Variants in ANK2 observed in about 807,000 individuals in gnomAD.
ANK2 encodes the protein ankyrin-2.
ANK2 carries 83 observed loss-of-function variants against 360.5 expected under a neutral mutation model. The ratio of observed to expected loss-of-function variants is 0.23; its 90% confidence interval spans 0.19 to 0.28. The LOEUF (loss-of-function observed/expected upper bound fraction) is 0.28. ANK2 is among the 10% of genes least tolerant of loss of function. ANK2 has a pLI of 1.00. For missense variants in ANK2, 4,201 were observed against 4,795.7 expected (o/e 0.88, Z 3.66); for synonymous variants, 1,740 against 1,759.5 (o/e 0.99, Z 0.28).
intron 1 of ANK2, among the ~76,000 whole-genome samples, chr4:113,171,255 G>A (rs201497264): frequency 3.3e-5 from 5 of 152,128 alleles, no homozygotes; most frequent in African/African-American, 1.2e-4. Flanking sequence ...TTTCATCTCT[G>A]TGTTGATTGA....
intron 27 of ANK2, 117 bp from the exon 28 acceptor site, chr4:113,331,855 G>A (rs558067611): frequency 3.7e-5 from 35 of 936,192 alleles, no homozygotes; most frequent in Non-Finnish European, 4.2e-5. Context: ...AGAACCAAAC[G>A]CAGTGTGAAA....
chr4:113,346,745 A>G (rs1291956901), intron 35 of ANK2, among the ~76,000 whole-genome samples: 1 of 152,190 alleles, frequency 6.6e-6, no homozygotes, highest in Non-Finnish European at 1.5e-5. Flanking sequence ...TGTTTTGAGT[A>G]GATTTAAAAC....
chr4:113,248,326 A>G (rs551963258), intron 9 of ANK2, among the ~76,000 whole-genome samples: 2 of 152,268 alleles, frequency 1.3e-5, no homozygotes, highest in East Asian at 3.9e-4. Flanking sequence ...GGGACTCAAT[A>G]CCAGTGCTCA....
chr4:113,003,518 A>G (rs751722696), intron 2 of ANK2, among the ~76,000 whole-genome samples: 33 of 152,252 alleles, frequency 2.2e-4, no homozygotes, highest in Non-Finnish European at 4.4e-4. Flanking sequence ...AATGTAGAAT[A>G]TAGTATGGAA....
rs112428084 is a variant in ANK2, at chr4:112,904,665, A to T, written c.21+151A>T. On this transcript the variant is annotated intron_variant, in intron 2 of 30. Transcript: ENST00000503271. ...ATTAACAATTTTTTAATTATAAGAAATGTAATATACTATAAGACTTTTCTT... is the reference window on the plus strand; with the variant it reads ...ATTAACAATTTTTTAATTATAAGAATTGTAATATACTATAAGACTTTTCTT... 0.019 allele frequency among the ~76,000 whole-genome samples: 2,930 copies of T among 152,264 alleles called. 81 individuals carry two copies. The highest frequency in any genetic ancestry group is 0.065 in the African/African-American group (2,713 of 41,556).
intron 43 of ANK2, among the ~76,000 whole-genome samples, chr4:113,370,315 T>TA (rs1008368944): frequency 1.3e-5 from 2 of 151,908 alleles, no homozygotes; most frequent in African/African-American, 4.8e-5. Context: ...TTTTTTTTTT[T>TA]AAGATTTATT....
At chr4:112,875,548 CA>C (rs1358919022) in intron 1 of ANK2, among the ~76,000 whole-genome samples, 2 of 151,774 alleles carry the variant, frequency 1.3e-5, no homozygotes, top group East Asian at 3.9e-4. Context: ...TTTGTGCAGG[CA>C]GATCTTGAAC....
At chr4:113,133,507 A>C (rs1230093025) in intron 1 of ANK2, among the ~76,000 whole-genome samples, 1 of 152,194 alleles carries the variant, frequency 6.6e-6, no homozygotes, top group East Asian at 1.9e-4. Context: ...CAGACCCCAG[A>C]TGCCAGATTC....
At position 112,875,658 on chromosome 4, in the gene ANK2, C is replaced by T. The variant is rs143744130; in HGVS notation, c.-39-28797C>T. 2.6e-5 allele frequency among the ~76,000 whole-genome samples: 4 copies of T among 151,528 alleles called. No homozygotes were observed. In the East Asian group the frequency reaches 5.9e-4, roughly 22 times the overall value. On this transcript the variant is annotated intron_variant, in intron 1 of 30. Transcript: ENST00000503271. ...GCCCCTTATTACCTTTAATTTCTGC[C>T]GTAATCATTACAGCAAATGTGAAAT... is the stretch of plus-strand genomic sequence containing the variant.
chr4:113,263,221 C>T (rs1471405499), intron 13 of ANK2, among the ~76,000 whole-genome samples: 2 of 150,568 alleles, frequency 1.3e-5, no homozygotes, highest in African/African-American at 4.9e-5. Context: ...AGATCTTAGC[C>T]TCATCTATTT....
In ANK2 at chr4:112,994,863, T is replaced by C. The variant is rs569991468; in HGVS notation, c.21+90349T>C. 2.0e-5 allele frequency among the ~76,000 whole-genome samples: 3 copies of C among 152,332 alleles called. No individual in the cohort carries two copies. In the East Asian group the frequency reaches 5.8e-4, roughly 29 times the overall value. On this transcript the variant is annotated intron_variant, in intron 2 of 30. Transcript: ENST00000503271. ...AAGTGAGAACATGCAGTATTTGAAT[T>C]TCTGTTTCTGAGTTAATTTGCTCAG...
intron 1 of ANK2, among the ~76,000 whole-genome samples, chr4:113,099,605 G>A (rs547323870): frequency 3.6e-4 from 55 of 152,052 alleles, no homozygotes; most frequent in Admixed American, 2.0e-3. Flanking sequence ...ATCTCAGCAA[G>A]TTGTCTTGTG....
intron 2 of ANK2, among the ~76,000 whole-genome samples, chr4:112,918,347 A>G (rs1300239818): frequency 1.3e-5 from 2 of 152,242 alleles, no homozygotes; most frequent in East Asian, 3.9e-4. Flanking sequence ...TCAGGTTATG[A>G]AAGCACCCGA....
At chr4:113,223,094 A>G (rs1266903546) in intron 4 of ANK2, among the ~76,000 whole-genome samples, 1 of 152,196 alleles carries the variant, frequency 6.6e-6, no homozygotes, top group Non-Finnish European at 1.5e-5. Flanking sequence ...ATTTAGGGAA[A>G]TAATTTGAAT....
At chr4:113,144,828 A>AATAT (rs199547163) in intron 1 of ANK2, among the ~76,000 whole-genome samples, 25 of 146,506 alleles carry the variant, frequency 1.7e-4, no homozygotes, top group Middle Eastern at 7.2e-3. Flanking sequence ...TATAGTTATA[A>AATAT]ATATATATAT....
At chr4:112,816,230 A>T (rs1206730275), upstream of ANK2, among the ~76,000 whole-genome samples, 1 of 152,230 alleles carries the variant, frequency 6.6e-6, no homozygotes, top group African/African-American at 2.4e-5. Context: ...AAACCCACAT[A>T]TCTGGTGTCA....
intron 1 of ANK2, among the ~76,000 whole-genome samples, chr4:112,849,200 G>A (rs187966678): frequency 6.6e-6 from 1 of 152,182 alleles, no homozygotes; most frequent in Admixed American, 6.5e-5. Flanking sequence ...TTTTATAGAG[G>A]ACATTTTGGC....
chr4:113,150,999 T>C (rs2097055416), intron 1 of ANK2: 3 of 1,166,948 alleles, frequency 2.6e-6, no homozygotes, highest in Non-Finnish European at 3.4e-6. Flanking sequence ...TTAGTAAATA[T>C]TTGTGAAAAA....
At chr4:112,893,549 T>C (rs113504572) in intron 1 of ANK2, among the ~76,000 whole-genome samples, 4,191 of 152,292 alleles carry the variant, frequency 0.028, 187 homozygotes, top group African/African-American at 0.092. Flanking sequence ...TGCACCAACC[T>C]AATATAAACA....
Sources: allele counts gnomAD v4.1 joint callset (sites outside exome capture counted in the v4.1 genomes callset), GRCh38; gene constraint gnomAD v4.1.1; transcripts MANE v1.5; gene names NCBI Gene and HGNC (gene_info 2026-07-23, HGNC 2026-07-21).